OR2H1: variants seen among roughly 807,000 people sequenced by gnomAD.
The protein encoded by OR2H1 is olfactory receptor 2H1.
For missense variants in OR2H1, 380 were observed against 367.3 expected (o/e 1.03, Z -0.28); for synonymous variants, 155 against 155.2 (o/e 1.00, Z 0.01).
chr6:29,461,922 C>T lies in OR2H1; in HGVS notation c.153C>T (p.Pro51=). 2 of 1,613,086 alleles carry T rather than the reference C, an allele frequency of 1.2e-6. No homozygotes were observed. Among genetic ancestry groups the T allele is most frequent in the Non-Finnish European group, 1.7e-6 (2 of 1,180,036 alleles). The change falls in exon 4 of 4, where the codon CCC becomes CCT. Residue 51 remains proline (P), a synonymous_variant. Coordinates refer to ENST00000377133, the MANE Select transcript of OR2H1 (RefSeq NM_030883.5). The part of the protein sequence containing the change: ...TLIILLSVLY[P]RLHSPMYFFL... ...TCATCCTGCTGTCTGTACTGTACCC[C>T]AGGCTCCACTCTCCAATGTACTTTT...
At chr6:29,457,299 A>C (rs896432210) in intron 1 of OR2H1, 92 bp downstream of exon 1, 1 of 152,220 alleles carries the variant, frequency 6.6e-6, no homozygotes, top group Non-Finnish European at 1.5e-5. Flanking sequence ...TTCATCAACA[A>C]GTGAATGGAT....
chr6:29,461,948 T>A lies in OR2H1; in HGVS notation c.179T>A (p.Phe60Tyr). ...AGGCTCCACTCTCCAATGTACTTTT[T>A]CCTCTCTGACCTCTCCTTCTTGGAC... is the stretch of plus-strand genomic sequence containing the variant. ...YPRLHSPMYF[F>Y]LSDLSFLDLC... The change falls in exon 4 of 4, where the codon TTC (phenylalanine) becomes TAC (tyrosine). Residue 60 changes from phenylalanine (F) to tyrosine (Y), a missense_variant. By Grantham distance (22) the Phe-to-Tyr change is conservative. Transcript: ENST00000377133. The A allele has an allele frequency of 6.2e-7, 1 of 1,613,024 alleles. No individual in the cohort carries two copies. Among genetic ancestry groups the A allele is most frequent in the South Asian group, 1.1e-5 (1 of 91,070 alleles).
Position 29,461,836 on chromosome 6 carries a change from A to ACTCTCT in OR2H1, c.67_68insCTCTCT (p.Arg23delinsThrLeuTrp). ...CTTCTCTGAACACCCAGCACTGGAAAGGACTCTCTTTGTGGTTGTCTTCAC... is the reference window on the plus strand; with the variant it reads ...CTTCTCTGAACACCCAGCACTGGAAACTCTCTGGACTCTCTTTGTGGTTGTCTTCAC... On this transcript the variant is annotated protein_altering_variant, in exon 4 of 4. Transcript: ENST00000377133. The ACTCTCT allele has an allele frequency of 6.2e-7, 1 of 1,613,052 alleles. No individual in the cohort carries two copies. The highest frequency in any genetic ancestry group is 8.5e-7 in the Non-Finnish European group (1 of 1,180,030).
intron 2 of OR2H1, among the ~76,000 whole-genome samples, chr6:29,459,217 C>A (rs916709124): frequency 2.0e-5 from 3 of 151,992 alleles, no homozygotes; most frequent in Non-Finnish European, 4.4e-5. Flanking sequence ...TATGAGGCTG[C>A]AAAGTTTAAA....
At position 29,461,851 on chromosome 6, in the gene OR2H1, G is replaced by C. The variant is rs1454245504; in HGVS notation, c.82G>C (p.Val28Leu). The change falls in exon 4 of 4, where the codon GTT becomes CTT. Residue 28 changes from valine to leucine, a missense_variant. Transcript: ENST00000377133. ...AGCACTGGAAAGGACTCTCTTTGTG[G>C]TTGTCTTCACTTCCTACCTCTTGAC... is the stretch of plus-strand genomic sequence containing the variant. The part of the protein sequence containing the change: ...HPALERTLFV[V>L]VFTSYLLTLV... 6.2e-7 allele frequency: 1 copy of C among 1,613,078 alleles called. No individual in the cohort carries two copies. The highest frequency in any genetic ancestry group is 8.5e-7 in the Non-Finnish European group (1 of 1,180,026).
intron 2 of OR2H1, 56 bp downstream of exon 2, chr6:29,458,625 A>T (rs143597297): frequency 1.6e-4 from 24 of 152,348 alleles, no homozygotes; most frequent in African/African-American, 4.8e-4. Context: ...TTCTTAAGAC[A>T]GTTCTGAATC....
Position 29,461,917 on chromosome 6 carries a change from T to G in OR2H1, c.148T>G (p.Tyr50Asp). 1 of 1,613,096 alleles carries G rather than the reference T, an allele frequency of 6.2e-7. No individual in the cohort carries two copies. Among genetic ancestry groups the G allele is most frequent in the Non-Finnish European group, 8.5e-7 (1 of 1,180,028 alleles). The change falls in exon 4 of 4, where the codon TAC (tyrosine) becomes GAC (aspartate). Residue 50 changes from tyrosine (Y) to aspartate (D), a missense_variant. Coordinates refer to ENST00000377133, the MANE Select transcript of OR2H1 (RefSeq NM_030883.5). Reference protein sequence around the residue: ...NTLIILLSVLYPRLHSPMYFF... With the variant: ...NTLIILLSVLDPRLHSPMYFF... ...ACTCATCATCCTGCTGTCTGTACTG[T>G]ACCCCAGGCTCCACTCTCCAATGTA...
In OR2H1 at chr6:29,462,232, A is replaced by G; in HGVS notation, c.463A>G (p.Ile155Val). 6.2e-7 allele frequency: 1 copy of G among 1,613,344 alleles called. No homozygotes were observed. Among genetic ancestry groups the G allele is most frequent in the Non-Finnish European group, 8.5e-7 (1 of 1,179,990 alleles). ...VAWVMSLVQS[I>V]VQTPSTLHLP... ...CTGGGTTATGAGTCTGGTTCAATCG[A>G]TAGTCCAGACACCATCCACCCTCCA... is the stretch of plus-strand genomic sequence containing the variant. The change falls in exon 4 of 4, where the codon ATA becomes GTA. Residue 155 changes from isoleucine to valine, a missense_variant. Coordinates refer to ENST00000377133, the MANE Select transcript of OR2H1 (RefSeq NM_030883.5).
rs1787488618 is a variant in OR2H1, at chr6:29,462,822, C to T, written c.*102C>T. On this transcript the variant is annotated 3_prime_UTR_variant, in exon 4 of 4. Coordinates refer to ENST00000377133, the MANE Select transcript of OR2H1 (RefSeq NM_030883.5). ...ATACACCTGAGCCACTGTGGTGGGT[C>T]ACAGTGTGGCTATGTTATCTATGAG... 1.3e-6 allele frequency: 1 copy of T among 759,028 alleles called. No individual in the cohort carries two copies. Among genetic ancestry groups the T allele is most frequent in the Non-Finnish European group, 2.2e-6 (1 of 464,966 alleles). The allele number at this position is 759,028 out of a possible 1,614,324, so 47.0% of individuals were successfully genotyped here.
At chr6:29,459,115 C>A (rs1197944072) in intron 2 of OR2H1, among the ~76,000 whole-genome samples, 1 of 152,116 alleles carries the variant, frequency 6.6e-6, no homozygotes, top group African/African-American at 2.4e-5. Context: ...AAAAAACATA[C>A]AGTGAGACAA....
Position 29,463,100 on chromosome 6 carries a change from T to C in OR2H1, c.*380T>C. 4.0e-6 allele frequency: 1 copy of C among 250,382 alleles called. No homozygotes were observed. The highest frequency in any genetic ancestry group is 8.3e-6 in the Non-Finnish European group (1 of 120,940). 15.5% of individuals were successfully genotyped at this position (250,382 alleles called of 1,614,324 possible). ...TAGGGGAACTACTCCATCATAGCAT[T>C]CTGGACACCTTGCATGTATCTACGT... On this transcript the variant is annotated 3_prime_UTR_variant, in exon 4 of 4. Transcript: ENST00000377133.
At chr6:29,459,379 G>A (rs1208983869) in intron 2 of OR2H1, among the ~76,000 whole-genome samples, 1 of 152,160 alleles carries the variant, frequency 6.6e-6, no homozygotes, top group Non-Finnish European at 1.5e-5. Context: ...GGTACACCAT[G>A]TGTTTATTAT....
chr6:29,462,578 AGTTC>A lies in OR2H1; in HGVS notation c.810_813del (p.Lys270AsnfsTer20), dbSNP rs371076908. 1,528 of 1,613,026 alleles carry A rather than the reference AGTTC, an allele frequency of 9.5e-4. 19 individuals are homozygous for A. The South Asian group carries it at 0.016, about 16-fold the overall frequency. On this transcript the variant is annotated frameshift_variant, in exon 4 of 4. Coordinates refer to ENST00000377133, the MANE Select transcript of OR2H1 (RefSeq NM_030883.5). LOFTEE classifies it low-confidence loss of function (END_TRUNC). Reference sequence around the variant, plus strand: ...AATCCGTATGCCCAAGGGAGGGGCAAGTTCTTTGGTCTCTTCTATGCAGTGGGCA... The same window carrying A: ...AATCCGTATGCCCAAGGGAGGGGCAATTTGGTCTCTTCTATGCAGTGGGCA...
chr6:29,457,155 T>C lies in OR2H1; in HGVS notation c.-495T>C, dbSNP rs1786445810. Reference sequence around the variant, plus strand: ...CTTTGATGTCACATCCCATCGTTTCTACCAGATTCTATTTGTTAAAACTGA... The same window carrying C: ...CTTTGATGTCACATCCCATCGTTTCCACCAGATTCTATTTGTTAAAACTGA... On this transcript the variant is annotated 5_prime_UTR_variant, in exon 1 of 4. Transcript: ENST00000377133. 1 of 152,214 alleles carries C rather than the reference T, an allele frequency of 6.6e-6. No individual in the cohort carries two copies. The highest frequency in any genetic ancestry group is 2.4e-5 in the African/African-American group (1 of 41,460). The allele number at this position is 152,214 out of a possible 1,614,324, so 9.4% of individuals were successfully genotyped here.
At chr6:29,459,058 A>G (rs1166140739) in intron 2 of OR2H1, among the ~76,000 whole-genome samples, 1 of 152,170 alleles carries the variant, frequency 6.6e-6, no homozygotes, top group Non-Finnish European at 1.5e-5. Flanking sequence ...GATAGAAAAT[A>G]GGAGAGTGCA....
rs1176340069 is a variant in OR2H1, at chr6:29,462,661, G to C, written c.892G>C (p.Ala298Pro). 1 of 1,613,068 alleles carries C rather than the reference G, an allele frequency of 6.2e-7. No homozygotes were observed. The highest frequency in any genetic ancestry group is 1.6e-4 in the Middle Eastern group (1 of 6,062). The change falls in exon 4 of 4, where the codon GCA (alanine) becomes CCA (proline). Residue 298 changes from alanine to proline, a missense_variant. Ala to Pro is a conservative substitution (Grantham distance 27, BLOSUM62 -1). Transcript: ENST00000377133. ...YTLRNKEIKR[A>P]LRRLLGKERD... ...CCTGAGGAACAAGGAGATAAAGCGA[G>C]CACTCAGGAGGTTACTAGGGAAGGA...
At chr6:29,458,356 GC>G (rs1235667589) in intron 1 of OR2H1, 97 bp from the exon 2 acceptor site, 1 of 152,186 alleles carries the variant, frequency 6.6e-6, no homozygotes, top group Non-Finnish European at 1.5e-5. Context: ...AATATGAAGC[GC>G]TTTTTTGAGT....
intron 1 of OR2H1, among the ~76,000 whole-genome samples, chr6:29,457,426 A>T (rs73400919): frequency 0.021 from 3,185 of 152,372 alleles, 66 homozygotes; most frequent in African/African-American, 0.052. Flanking sequence ...GGTACAGAGC[A>T]TAACACACCA....
rs771619107 is a variant in OR2H1, at chr6:29,462,014, A to T, written c.245A>T (p.Asn82Ile). 1.2e-6 allele frequency: 2 copies of T among 1,613,094 alleles called. No individual in the cohort carries two copies. The highest frequency in any genetic ancestry group is 1.7e-6 in the Non-Finnish European group (2 of 1,179,938). ...AGTTGTGTCCCCCAGATGCTGGTCA[A>T]CCTCTGGGGCCCAAAGAAGACCATC... ...TTSCVPQMLV[N>I]LWGPKKTISF... The change falls in exon 4 of 4, where the codon AAC becomes ATC. Residue 82 changes from asparagine to isoleucine, a missense_variant. Physicochemically the swap from Asn to Ile is moderately radical, Grantham distance 149. Coordinates refer to ENST00000377133, the MANE Select transcript of OR2H1 (RefSeq NM_030883.5).
Sources: allele counts gnomAD v4.1 joint callset (sites outside exome capture counted in the v4.1 genomes callset), GRCh38; gene constraint gnomAD v4.1.1; transcripts MANE v1.5; gene names NCBI Gene and HGNC (gene_info 2026-07-23, HGNC 2026-07-21).